Variants in USP31 observed in about 807,000 individuals in gnomAD.
USP31 encodes ubiquitin carboxyl-terminal hydrolase 31.
A neutral mutation model predicts 119.4 loss-of-function variants in USP31; 44 were observed. The observed-to-expected ratio is 0.37, with a 90% CI of 0.29 to 0.47. The LOEUF is 0.47. Among genes scored for constraint, USP31 ranks in the 20% least tolerant of loss-of-function variants. The pLI is 0.99. For synonymous variants in USP31, 749 were observed against 705.6 expected (o/e 1.06, Z -0.97); for missense variants, 1,643 against 1,730.2 (o/e 0.95, Z 0.89).
At chr16:23,091,595 A>C (rs1270693604) in intron 6 of USP31, among the ~76,000 whole-genome samples, 1 of 152,266 alleles carries the variant, frequency 6.6e-6, no homozygotes, top group Non-Finnish European at 1.5e-5. Flanking sequence ...TGGCCTACAC[A>C]AAAGTATTTA....
At position 23,085,616 on chromosome 16, in the gene USP31, C is replaced by T. The variant is rs1041369364; in HGVS notation, c.1669G>A (p.Val557Ile). The T allele has an allele frequency of 6.2e-7, 1 of 1,613,986 alleles. No homozygotes were observed. The highest frequency in any genetic ancestry group is 8.5e-7 in the Non-Finnish European group (1 of 1,180,010). ...CTTGTCTCCTTGTCCCACTCGACTA[C>T]TAATTTCACATGAGCAGTGCCACCT... ...GPGGTAHVKL[V>I]VEWDKETRDF... The change falls in exon 10 of 16, where the codon GTA (valine) becomes ATA (isoleucine). Residue 557 changes from valine (V) to isoleucine (I), a missense_variant. By Grantham distance (29) the Val-to-Ile change is conservative (BLOSUM62 3). Coordinates refer to ENST00000219689, the MANE Select transcript of USP31 (RefSeq NM_020718.4).
chr16:23,119,719 T>C (rs549551602), intron 1 of USP31, among the ~76,000 whole-genome samples: 6 of 152,362 alleles, frequency 3.9e-5, no homozygotes, highest in Non-Finnish European at 7.3e-5. Flanking sequence ...GTTTATCTAA[T>C]TGGCATGTTA....
intron 14 of USP31, among the ~76,000 whole-genome samples, chr16:23,073,254 A>G (rs1348753429): frequency 6.6e-6 from 1 of 152,180 alleles, no homozygotes; most frequent in Non-Finnish European, 1.5e-5. Context: ...GGAAAAGCAG[A>G]CTATTTCTAA....
In USP31 at chr16:23,062,584, A is replaced by T. The variant is rs1899886482; in HGVS notation, c.*5462T>A. The T allele has an allele frequency of 6.6e-6, 1 of 152,592 alleles. No individual in the cohort carries two copies. The highest frequency in any genetic ancestry group is 2.1e-4 in the South Asian group (1 of 4,826). The allele number at this position is 152,592 out of a possible 1,614,324, so 9.5% of individuals were successfully genotyped here. A position where few individuals can be genotyped will look rare whatever the true frequency, so the allele number is the denominator to read the frequency against. On this transcript the variant is annotated 3_prime_UTR_variant, in exon 16 of 16. Coordinates refer to ENST00000219689, the MANE Select transcript of USP31 (RefSeq NM_020718.4). ...AGGGACAGGCTTTCCAAGGCTAGGA[A>T]GGTTGTTTCTTTTCTTCTTCGACAA...
intron 15 of USP31, among the ~76,000 whole-genome samples, 155 bp downstream of exon 15, chr16:23,071,890 G>A (rs1900362626): frequency 6.6e-6 from 1 of 152,210 alleles, no homozygotes; most frequent in Admixed American, 6.5e-5. Context: ...TGCTTTTTAG[G>A]ATCATAACTC....
At chr16:23,117,076 G>C (rs1567241681) in intron 1 of USP31, among the ~76,000 whole-genome samples, 1 of 152,208 alleles carries the variant, frequency 6.6e-6, no homozygotes. Context: ...GCTCCAATGA[G>C]CATTTCTTTT....
chr16:23,087,863 T>C (rs1303130450), intron 7 of USP31, 28 bp from the exon 8 acceptor site: 2 of 1,572,420 alleles, frequency 1.3e-6, no homozygotes, highest in East Asian at 4.5e-5. Context: ...TGTAATCACC[T>C]TTAAAGTACG....
Position 23,073,894 on chromosome 16 carries a change from CCCG to C in USP31, c.2177-17_2177-15del. ...TCTTACAGTACGCTGCCAAAGAGAG[CCCG>C]CCATCAGCACCAGGGGAGGCTGCAC... is the stretch of plus-strand genomic sequence containing the variant. On this transcript the variant is annotated splice_polypyrimidine_tract_variant and intron_variant, in intron 13 of 15. Transcript: ENST00000219689. 2 of 1,613,596 alleles carry C rather than the reference CCCG, an allele frequency of 1.2e-6. No homozygotes were observed. Among genetic ancestry groups the C allele is most frequent in the Non-Finnish European group, 1.7e-6 (2 of 1,179,986 alleles).
intron 1 of USP31, among the ~76,000 whole-genome samples, chr16:23,129,825 G>C (rs715368): frequency 0.27 from 41,567 of 152,024 alleles, 6,119 homozygotes; most frequent in Admixed American, 0.35. Flanking sequence ...GAACTTTAAT[G>C]TAAGAGTAAT....
chr16:23,086,137 T>C (rs1488975742), intron 9 of USP31, among the ~76,000 whole-genome samples: 1 of 152,196 alleles, frequency 6.6e-6, no homozygotes, highest in African/African-American at 2.4e-5. Context: ...CCAAGTTCAC[T>C]GGCTCCTTGC....
At chr16:23,123,666 G>A (rs989226849) in intron 1 of USP31, among the ~76,000 whole-genome samples, 5 of 152,088 alleles carry the variant, frequency 3.3e-5, no homozygotes, top group East Asian at 1.9e-4. Context: ...ATTTAGAGCC[G>A]ATTCTATTTA....
Position 23,102,366 on chromosome 16 carries a change from A to T in USP31, c.1187T>A (p.Phe396Tyr), listed in dbSNP as rs1596711883. The T allele has an allele frequency of 6.2e-7, 1 of 1,614,110 alleles. No homozygotes were observed. Among genetic ancestry groups the T allele is most frequent in the Non-Finnish European group, 8.5e-7 (1 of 1,179,976 alleles). The change falls in exon 6 of 16, where the codon TTT becomes TAT. Residue 396 changes from phenylalanine (F) to tyrosine (Y), a missense_variant. Phe to Tyr is a conservative substitution (Grantham distance 22). Coordinates refer to ENST00000219689, the MANE Select transcript of USP31 (RefSeq NM_020718.4). Reference protein sequence around the residue: ...TVHESDCIFAFETPEIFRPEG... With the variant: ...TVHESDCIFAYETPEIFRPEG... ...AGGCCTAAATATTTCGGGAGTCTCA[A>T]AGGCAAAAATGCAGTCGCTTTCATG...
intron 1 of USP31, among the ~76,000 whole-genome samples, chr16:23,122,316 AGTGTTGAT>A (rs1902698644): frequency 6.6e-6 from 1 of 152,200 alleles, no homozygotes; most frequent in African/African-American, 2.4e-5. Context: ...GACGTTAACA[AGTGTTGAT>A]GAGGATATGG....
chr16:23,068,260 T>G lies in USP31; in HGVS notation c.3845A>C (p.Gln1282Pro), dbSNP rs1291206946. ...TTTTCCCGTTGTATTTGCATTTGGC[T>G]GCTGGGAAGCTGGAGGCTGGTGGCC... is the stretch of plus-strand genomic sequence containing the variant. ...ERGHQPPASQ[Q>P]PNANTTGKEQ... The change falls in exon 16 of 16, where the codon CAG becomes CCG. Residue 1282 changes from glutamine (Q) to proline (P), a missense_variant. Transcript: ENST00000219689. 8.1e-6 allele frequency: 13 copies of G among 1,614,036 alleles called. No individual in the cohort carries two copies. Among genetic ancestry groups the G allele is most frequent in the Middle Eastern group, 1.6e-4 (1 of 6,084 alleles).
At chr16:23,123,694 A>T (rs1902756031) in intron 1 of USP31, among the ~76,000 whole-genome samples, 1 of 152,216 alleles carries the variant, frequency 6.6e-6, no homozygotes, top group Non-Finnish European at 1.5e-5. Context: ...ACTTAACTAA[A>T]AAGCAGATTA....
chr16:23,097,383 G>A (rs958686968), intron 6 of USP31, among the ~76,000 whole-genome samples: 6 of 152,184 alleles, frequency 3.9e-5, no homozygotes, highest in South Asian at 2.1e-4. Context: ...AGGACCAGAC[G>A]GATTCACAGC....
intron 13 of USP31, among the ~76,000 whole-genome samples, chr16:23,076,206 G>A (rs1321015077): frequency 1.3e-5 from 2 of 151,422 alleles, no homozygotes; most frequent in Non-Finnish European, 2.9e-5. Flanking sequence ...TGATCTGTGC[G>A]GCAAACCATC....
rs201814190 is a variant in USP31, at chr16:23,069,138, G to A, written c.2967C>T (p.Ile989=). ...LSGPFDNNNQ[I]AYVDQSDSVD... is the part of the protein sequence containing the mutation. Reference sequence around the variant, plus strand: ...CGGAGTCGCTCTGATCCACATAAGCGATCTGATTATTGTTATCAAATGGAC... The same window carrying A: ...CGGAGTCGCTCTGATCCACATAAGCAATCTGATTATTGTTATCAAATGGAC... Residue 989 remains isoleucine (I), a synonymous_variant, in exon 16 of 16, where the codon ATC becomes ATT. Coordinates refer to ENST00000219689, the MANE Select transcript of USP31 (RefSeq NM_020718.4). 4.2e-5 allele frequency: 67 copies of A among 1,613,808 alleles called. 1 individual carries two copies. In the African/African-American group the frequency reaches 7.2e-4, roughly 17 times the overall value.
rs1900027896 is a variant in USP31 at position 23,065,463 on chromosome 16, A to C, written c.*2583T>G. On this transcript the variant is annotated 3_prime_UTR_variant, in exon 16 of 16. Transcript: ENST00000219689. ...GAGCACCTCCAAACTTTCGGGCCAAATAACCTTTCCTGTGGCCTAAAGTTG... is the reference window on the plus strand; with the variant it reads ...GAGCACCTCCAAACTTTCGGGCCAACTAACCTTTCCTGTGGCCTAAAGTTG... The C allele has an allele frequency of 6.6e-6, 1 of 152,640 alleles. No individual in the cohort carries two copies. The highest frequency in any genetic ancestry group is 6.5e-5 in the Admixed American group (1 of 15,280). The allele number at this position is 152,640 out of a possible 1,614,324, so 9.5% of individuals were successfully genotyped here.
Sources: allele counts gnomAD v4.1 joint callset (sites outside exome capture counted in the v4.1 genomes callset), GRCh38; gene constraint gnomAD v4.1.1; transcripts MANE v1.5; gene names NCBI Gene and HGNC (gene_info 2026-07-23, HGNC 2026-07-21).